The following PDE10A variants were observed in gnomAD, a reference collection of about 807,000 sequenced individuals.
PDE10A encodes phosphodiesterase 10A.
In PDE10A, 39 loss-of-function variants were observed where a neutral mutation model predicts 97.7. The ratio of observed to expected loss-of-function variants is 0.40; its 90% CI spans 0.31 to 0.52. The LOEUF (loss-of-function observed/expected upper bound fraction) is 0.52, where lower values mean the gene tolerates loss of function less well. Ranked by LOEUF, PDE10A falls within the 20% of genes least tolerant of loss-of-function variation. PDE10A has a pLI of 0.56. For missense variants in PDE10A, 731 were observed against 1,047.8 expected, an observed-to-expected ratio of 0.70 and a Z score of 4.17; for synonymous variants, 371 against 376.8, an observed-to-expected ratio of 0.98 and a Z score of 0.18.
intron 1 of PDE10A, among the ~76,000 whole-genome samples, chr6:165,848,414 G>T (rs1780483462): frequency 1.3e-5 from 2 of 152,164 alleles, no homozygotes; most frequent in Admixed American, 1.3e-4. Flanking sequence ...CTTTACGTCG[G>T]GCTGTTAGGG....
chr6:165,598,525 GC>G (rs1045240342), intron 1 of PDE10A, among the ~76,000 whole-genome samples: 2 of 152,134 alleles, frequency 1.3e-5, no homozygotes, highest in African/African-American at 4.8e-5. Flanking sequence ...AAATGGTGTG[GC>G]CCCTGCTGTG....
Position 165,330,354 on chromosome 6 carries a change from T to C in PDE10A, c.*2671A>G, listed in dbSNP as rs994499484. 3 of 152,168 alleles carry C rather than the reference T, an allele frequency of 2.0e-5. No homozygotes were observed. The highest frequency in any genetic ancestry group is 6.5e-5 in the Admixed American group (1 of 15,282). The allele number at this position is 152,168 out of a possible 1,614,324, so 9.4% of individuals were successfully genotyped here. ...AGATCTGGGAACAAGACAAGAAACA[T>C]GACCCGAAAGTCTGTCTCCTAAACA... On this transcript the variant is annotated 3_prime_UTR_variant, in exon 22 of 22. Coordinates refer to ENST00000539869, the MANE Select transcript of PDE10A (RefSeq NM_001385079.1).
At chr6:165,959,552 A>G (rs1254503349) in intron 1 of PDE10A, among the ~76,000 whole-genome samples, 1 of 152,174 alleles carries the variant, frequency 6.6e-6, no homozygotes, top group African/African-American at 2.4e-5. Context: ...AGGAGACTGG[A>G]TATCTTTGGA....
chr6:165,342,874 C>T (rs971766654), intron 19 of PDE10A, among the ~76,000 whole-genome samples: 5 of 152,198 alleles, frequency 3.3e-5, no homozygotes, highest in African/African-American at 4.8e-5. Context: ...AAGTCATTTA[C>T]GTGTTGTTTC....
chr6:165,361,091 T>C (rs958605283), intron 18 of PDE10A, among the ~76,000 whole-genome samples: 6 of 152,226 alleles, frequency 3.9e-5, no homozygotes, highest in African/African-American at 1.4e-4. Context: ...ACTATCTCTA[T>C]TTGAAGATGA....
rs529896901 is a variant in PDE10A at position 165,977,024 on chromosome 6, A to T, written c.-615+10505T>A. On this transcript the variant is annotated intron_variant, in intron 1 of 19. Coordinates refer to the PDE10A transcript ENST00000366882. The stretch of plus-strand genomic sequence containing the variant: ...TAGGCTGGAGCCAAATGTGAAGATA[A>T]CTGAAAGTTCTCTATCTTGTTACAG... Among the ~76,000 whole-genome samples, 56 of 152,346 alleles carry T rather than the reference A, an allele frequency of 3.7e-4. No individual in the cohort carries two copies. In the East Asian group the frequency reaches 0.01, roughly 28 times the overall value.
At chr6:165,782,728 C>T (rs75742042) in intron 1 of PDE10A, among the ~76,000 whole-genome samples, 6 of 152,300 alleles carry the variant, frequency 3.9e-5, no homozygotes, top group African/African-American at 7.2e-5. Flanking sequence ...TCAAGAACTA[C>T]GTCTTATCGT....
chr6:165,653,815 A>C (rs563290529), intron 1 of PDE10A, among the ~76,000 whole-genome samples: 1 of 147,654 alleles, frequency 6.8e-6, no homozygotes, highest in East Asian at 1.9e-4. Flanking sequence ...CCTTCCCCCA[A>C]TGCAAAGCTG....
intron 8 of PDE10A, among the ~76,000 whole-genome samples, chr6:165,430,907 T>C (rs546721690): frequency 6.6e-6 from 1 of 152,246 alleles, no homozygotes; most frequent in African/African-American, 2.4e-5. Context: ...AAGGAGAAGA[T>C]ACAAAGAACG....
At chr6:165,815,246 C>G (rs1279546480) in intron 1 of PDE10A, among the ~76,000 whole-genome samples, 3 of 152,200 alleles carry the variant, frequency 2.0e-5, no homozygotes, top group African/African-American at 7.2e-5. Flanking sequence ...AATCCCACAA[C>G]TCTTCCCTAC....
At chr6:165,676,657 G>A (rs1412480804) in intron 1 of PDE10A, among the ~76,000 whole-genome samples, 3 of 152,178 alleles carry the variant, frequency 2.0e-5, no homozygotes, top group African/African-American at 7.2e-5. Context: ...GGGGTGACCC[G>A]GCCAGCTCAC....
chr6:165,900,666 G>A (rs1178990929), intron 1 of PDE10A, among the ~76,000 whole-genome samples: 1 of 152,112 alleles, frequency 6.6e-6, no homozygotes, highest in Non-Finnish European at 1.5e-5. Context: ...AACCCAGTGA[G>A]TATTGGTTAT....
chr6:165,578,142 G>A (rs559602544), intron 1 of PDE10A, among the ~76,000 whole-genome samples: 3 of 152,304 alleles, frequency 2.0e-5, no homozygotes, highest in Admixed American at 6.5e-5. Context: ...GGGCCGAATC[G>A]TCCAGATGCT....
intron 1 of PDE10A, among the ~76,000 whole-genome samples, chr6:165,972,066 G>A (rs926538609): frequency 7.9e-5 from 12 of 152,092 alleles, no homozygotes; most frequent in African/African-American, 1.2e-4. Flanking sequence ...AAAGGTACAC[G>A]CTGTAACAAA....
chr6:165,615,460 T>G (rs1787686702), intron 1 of PDE10A, among the ~76,000 whole-genome samples: 1 of 152,088 alleles, frequency 6.6e-6, no homozygotes, highest in Non-Finnish European at 1.5e-5. Context: ...TTTCTACGTG[T>G]GACAAACAGA....
intron 2 of PDE10A, among the ~76,000 whole-genome samples, chr6:165,530,696 T>A (rs975224328): frequency 6.6e-6 from 1 of 152,258 alleles, no homozygotes; most frequent in Non-Finnish European, 1.5e-5. Flanking sequence ...AAACGTAATA[T>A]AGATATAAAA....
intron 1 of PDE10A, among the ~76,000 whole-genome samples, chr6:165,597,974 G>A (rs199555759): frequency 7.2e-5 from 11 of 152,176 alleles, no homozygotes; most frequent in Admixed American, 3.3e-4. Flanking sequence ...CCTTGTGAAC[G>A]AAACAGGGCA....
At chr6:165,352,120 C>T (rs1305291940) in intron 18 of PDE10A, among the ~76,000 whole-genome samples, 2 of 152,182 alleles carry the variant, frequency 1.3e-5, no homozygotes, top group South Asian at 4.1e-4. Flanking sequence ...TCCCAAAGTG[C>T]TGGGATTACA....
intron 1 of PDE10A, among the ~76,000 whole-genome samples, chr6:165,731,160 G>C (rs575307329): frequency 6.6e-6 from 1 of 152,330 alleles, no homozygotes; most frequent in South Asian, 2.1e-4. Context: ...CTGCGGCCTC[G>C]TGGCCCCCGG....
Sources: gnomAD v4.1 joint callset for allele counts (sites outside exome capture counted in the v4.1 genomes callset) on GRCh38, gnomAD v4.1.1 for gene constraint, MANE v1.5 for transcripts, NCBI Gene and HGNC (gene_info 2026-07-23, HGNC 2026-07-21) for gene names.